Variants in SUV39H2 observed in about 807,000 individuals in gnomAD.
SUV39H2 encodes SUV39H2 histone lysine methyltransferase, also known as histone-lysine N-methyltransferase SUV39H2.
A neutral mutation model predicts 47.5 loss-of-function variants in SUV39H2; 10 were observed. The ratio of observed to expected loss-of-function variants is 0.21; its 90% confidence interval spans 0.13 to 0.36. SUV39H2 has a LOEUF of 0.36. Ranked by LOEUF, SUV39H2 falls within the 10% of genes least tolerant of loss-of-function variation. SUV39H2 has a pLI of 1.00. For synonymous variants in SUV39H2, 159 were observed against 166.8 expected, an observed-to-expected ratio of 0.95 and a Z score of 0.36; for missense variants, 266 against 487.4, an observed-to-expected ratio of 0.55 and a Z score of 4.28.
intron 1 of SUV39H2, among the ~76,000 whole-genome samples, chr10:14,879,321 C>G (rs569805520): frequency 1.3e-5 from 2 of 152,292 alleles, no homozygotes; most frequent in Non-Finnish European, 1.5e-5. Flanking sequence ...GTGCGGCATG[C>G]GCCCGGGCCT....
At position 14,902,774 on chromosome 10, in the gene SUV39H2, T is replaced by A. The variant is rs1181661471; in HGVS notation, c.*262T>A. On this transcript the variant is annotated 3_prime_UTR_variant, in exon 6 of 6. Transcript: ENST00000354919. ...CAGACTATTTACAGCTTAGTATATG[T>A]GTACTTAAGTCTATGTGAACAGAGA... is the stretch of plus-strand genomic sequence containing the variant. 8.6e-6 allele frequency: 2 copies of A among 233,856 alleles called. No individual in the cohort carries two copies. Among genetic ancestry groups the A allele is most frequent in the Non-Finnish European group, 1.7e-5 (2 of 119,138 alleles). 14.5% of individuals were successfully genotyped at this position (233,856 alleles called of 1,614,324 possible).
At chr10:14,879,242 G>A in intron 1 of SUV39H2, 2 of 604,454 alleles carry the variant, frequency 3.3e-6, no homozygotes, top group South Asian at 7.9e-5. Context: ...GCCGCTCCCC[G>A]GCAGTCCCCG....
chr10:14,891,713 G>C (rs1037717088), intron 2 of SUV39H2, among the ~76,000 whole-genome samples: 1 of 152,174 alleles, frequency 6.6e-6, no homozygotes, highest in Admixed American at 6.5e-5. Context: ...AGGTGGACAG[G>C]TAAGATTCAC....
chr10:14,897,735 T>A, intron 3 of SUV39H2: 1 of 333,500 alleles, frequency 3.0e-6, no homozygotes, highest in South Asian at 1.4e-4. Flanking sequence ...CAAATTGATA[T>A]AGTCATCTTT....
intron 1 of SUV39H2, chr10:14,879,222 G>A (rs1318318805): frequency 1.8e-5 from 15 of 835,312 alleles, no homozygotes; most frequent in Non-Finnish European, 2.3e-5. Context: ...TGGCGGCCTC[G>A]GGCTTCGAGG....
chr10:14,901,112 G>A, intron 4 of SUV39H2, 21 bp from the exon 5 acceptor site: 1 of 1,612,502 alleles, frequency 6.2e-7, no homozygotes, highest in African/African-American at 1.3e-5. Context: ...TACTTAAATG[G>A]GTTCTAATGT....
rs539733742 is a variant in SUV39H2, at chr10:14,893,957, A to T, written c.178-2889A>T. 4.6e-5 allele frequency among the ~76,000 whole-genome samples: 7 copies of T among 152,358 alleles called. No individual in the cohort carries two copies. In the South Asian group the frequency reaches 1.4e-3, roughly 32 times the overall value. ...TTTGCTGGAACACTTGGCATAACCCAGGGCTATGATAGGAAACACTGTAGC... is the reference window on the plus strand; with the variant it reads ...TTTGCTGGAACACTTGGCATAACCCTGGGCTATGATAGGAAACACTGTAGC... On this transcript the variant is annotated intron_variant, in intron 2 of 5. Transcript: ENST00000354919.
intron 2 of SUV39H2, among the ~76,000 whole-genome samples, chr10:14,887,050 G>T (rs569303247): frequency 2.6e-5 from 4 of 152,292 alleles, no homozygotes; most frequent in Middle Eastern, 6.8e-3. Flanking sequence ...GTTCTAAAGA[G>T]AGTGACACAT....
At chr10:14,889,194 GA>G (rs1833308555) in intron 2 of SUV39H2, among the ~76,000 whole-genome samples, 1 of 152,062 alleles carries the variant, frequency 6.6e-6, no homozygotes, top group South Asian at 2.1e-4. Flanking sequence ...AAGAAAACGA[GA>G]GGGCTACATG....
intron 1 of SUV39H2, among the ~76,000 whole-genome samples, chr10:14,881,182 CTG>C (rs1362279986): frequency 6.6e-6 from 1 of 152,156 alleles, no homozygotes; most frequent in Non-Finnish European, 1.5e-5. Context: ...AACATTATCT[CTG>C]TTGACCTGCA....
rs911550454 is a variant in SUV39H2 at position 14,899,275 on chromosome 10, G to C, written c.850-264G>C. Reference sequence around the variant, plus strand: ...TTAAAGGATACAGGGAGTCATGATGGCACCACCGCATTCTAGCCTGAGTGA... The same window carrying C: ...TTAAAGGATACAGGGAGTCATGATGCCACCACCGCATTCTAGCCTGAGTGA... On this transcript the variant is annotated intron_variant, in intron 3 of 5. Coordinates refer to ENST00000354919, the MANE Select transcript of SUV39H2 (RefSeq NM_001193424.2). 1.0e-5 allele frequency: 7 copies of C among 701,884 alleles called. No individual in the cohort carries two copies. The African/African-American group carries it at 1.2e-4, about 12-fold the overall frequency. The allele number at this position is 701,884 out of a possible 1,614,324, so 43.5% of individuals were successfully genotyped here.
intron 2 of SUV39H2, among the ~76,000 whole-genome samples, chr10:14,888,266 C>T (rs1174915205): frequency 1.3e-5 from 2 of 152,064 alleles, no homozygotes; most frequent in Non-Finnish European, 2.9e-5. Context: ...AGGATGAGCC[C>T]TGAGGAGTAG....
At chr10:14,890,879 AT>A (rs1160822760) in intron 2 of SUV39H2, among the ~76,000 whole-genome samples, 1 of 152,158 alleles carries the variant, frequency 6.6e-6, no homozygotes, top group Non-Finnish European at 1.5e-5. Context: ...ATCAGCTTGT[AT>A]TTCCTTTAAG....
chr10:14,879,052 G>C, intron 1 of SUV39H2, 133 bp downstream of exon 1: 1 of 1,315,738 alleles, frequency 7.6e-7, no homozygotes, highest in African/African-American at 1.6e-5. Context: ...CCCAACTCCG[G>C]GACGCACGCT....
At chr10:14,883,902 G>T (rs1189108272) in intron 2 of SUV39H2, among the ~76,000 whole-genome samples, 1 of 152,044 alleles carries the variant, frequency 6.6e-6, no homozygotes, top group East Asian at 1.9e-4. Context: ...CATTTGCCTG[G>T]TTGGACATTT....
chr10:14,879,444 C>T (rs977817531), intron 1 of SUV39H2, among the ~76,000 whole-genome samples: 1 of 152,138 alleles, frequency 6.6e-6, no homozygotes, highest in African/African-American at 2.4e-5. Flanking sequence ...GCGAGGAATC[C>T]CCCCCAAGGC....
chr10:14,886,030 A>G (rs1833197611), intron 2 of SUV39H2, among the ~76,000 whole-genome samples: 1 of 152,106 alleles, frequency 6.6e-6, no homozygotes, highest in South Asian at 2.1e-4. Flanking sequence ...TTCCAGCCTC[A>G]TCTCTTGTCA....
chr10:14,882,175 C>A (rs1588832490), intron 2 of SUV39H2, among the ~76,000 whole-genome samples: 1 of 152,192 alleles, frequency 6.6e-6, no homozygotes, highest in Non-Finnish European at 1.5e-5. Flanking sequence ...TCTAAGCCTT[C>A]CTTTATTGCT....
chr10:14,893,464 C>G (rs1342211634), intron 2 of SUV39H2, among the ~76,000 whole-genome samples: 1 of 152,060 alleles, frequency 6.6e-6, no homozygotes, highest in African/African-American at 2.4e-5. Context: ...GTTTTTGCCA[C>G]TGGGATTCCA....
Sources: gnomAD v4.1 joint callset for allele counts (sites outside exome capture counted in the v4.1 genomes callset) on GRCh38, gnomAD v4.1.1 for gene constraint, MANE v1.5 for transcripts, NCBI Gene and HGNC (gene_info 2026-07-23, HGNC 2026-07-21) for gene names.